The following CCDC144A variants were observed in gnomAD, a reference collection of about 807,000 sequenced individuals.
CCDC144A encodes the protein coiled-coil domain containing 144A, also known as coiled-coil domain-containing protein 144A.
A neutral mutation model predicts 143.8 loss-of-function variants in CCDC144A; 41 were observed. That is an observed-to-expected ratio of 0.29 (90% confidence interval 0.22 to 0.37). The LOEUF is 0.37. CCDC144A is among the 10% of genes least tolerant of loss of function. The pLI is 1.00. For missense variants in CCDC144A, 637 were observed against 1,488.8 expected (o/e 0.43, Z 9.41); for synonymous variants, 242 against 517.9 (o/e 0.47, Z 7.23).
upstream of CCDC144A, among the ~76,000 whole-genome samples, chr17:16,685,443 TG>T (rs1910745636): frequency 6.6e-6 from 1 of 152,118 alleles, no homozygotes. Context: ...GCAAATGGCG[TG>T]GTCTCGGCTC....
chr17:16,768,547 G>T (rs1915700612), intron 15 of CCDC144A, among the ~76,000 whole-genome samples: 1 of 152,214 alleles, frequency 6.6e-6, no homozygotes. Context: ...TAACACCATT[G>T]TAGTGATAAT....
At chr17:16,761,222 C>T (rs775326978) in intron 12 of CCDC144A, among the ~76,000 whole-genome samples, 5 of 151,762 alleles carry the variant, frequency 3.3e-5, no homozygotes. Flanking sequence ...CCTGTAGTCC[C>T]AGCTACTCCA....
chr17:16,668,541 T>G, the CCDC144A span, among the ~76,000 whole-genome samples: 1 of 152,002 alleles, frequency 6.6e-6, no homozygotes, highest in East Asian at 1.9e-4. Context: ...ATAATTGTTA[T>G]TTTTTTCTAC....
At chr17:16,730,440 T>C (rs1913686715) in intron 9 of CCDC144A, among the ~76,000 whole-genome samples, 1 of 123,972 alleles carries the variant, frequency 8.1e-6, no homozygotes, top group Non-Finnish European at 1.6e-5. Flanking sequence ...GGCTTCGTTC[T>C]TTTTGCTTGG....
intron 2 of CCDC144A, among the ~76,000 whole-genome samples, chr17:16,693,462 C>T (rs1911213363): frequency 6.6e-6 from 1 of 151,956 alleles, no homozygotes; most frequent in East Asian, 1.9e-4. Context: ...ACTACAGGCG[C>T]CCGCCACCCC....
chr17:16,719,044 C>T (rs964730664), intron 6 of CCDC144A, among the ~76,000 whole-genome samples: 1 of 150,150 alleles, frequency 6.7e-6, no homozygotes, highest in Non-Finnish European at 1.5e-5. Flanking sequence ...CTTGGGAAAG[C>T]TGGTCTTGAA....
chr17:16,753,372 C>A (rs1271586778), intron 12 of CCDC144A, among the ~76,000 whole-genome samples: 1 of 149,726 alleles, frequency 6.7e-6, no homozygotes, highest in Non-Finnish European at 1.5e-5. Context: ...AGTCCATGAG[C>A]ATGCAATATC....
intron 12 of CCDC144A, among the ~76,000 whole-genome samples, chr17:16,757,611 C>T (rs1915155201): frequency 6.6e-6 from 1 of 152,218 alleles, no homozygotes; most frequent in African/African-American, 2.4e-5. Context: ...CTCACATGGG[C>T]GCCACCCCTG....
chr17:16,736,940 G>C (rs1219042332), intron 12 of CCDC144A, among the ~76,000 whole-genome samples: 6 of 152,116 alleles, frequency 3.9e-5, no homozygotes, highest in Non-Finnish European at 5.9e-5. Flanking sequence ...AATTCTTTTT[G>C]AGACTTCAGT....
chr17:16,723,717 A>G (rs1913226796), intron 8 of CCDC144A, among the ~76,000 whole-genome samples: 1 of 152,138 alleles, frequency 6.6e-6, no homozygotes, highest in Non-Finnish European at 1.5e-5. Context: ...CACTAATCCC[A>G]CTAATGAGGG....
chr17:16,772,240 A>G lies in CCDC144A; in HGVS notation c.4141+221A>G, dbSNP rs559520849. Among the ~76,000 whole-genome samples the G allele has an allele frequency of 5.1e-3, 779 of 152,246 alleles. 5 individuals carry two copies. The highest frequency in any genetic ancestry group is 0.018 in the African/African-American group (742 of 41,508). ...TCCATAGCTTGAAAAAAATAGCTCA[A>G]GAAGTCTGGCTCTACTCTTCACTTC... On this transcript the variant is annotated intron_variant, in intron 16 of 16. Coordinates refer to ENST00000399273, the MANE Select transcript of CCDC144A (RefSeq NM_001382000.1).
intron 2 of CCDC144A, 52 bp downstream of exon 2, chr17:16,693,101 A>C: frequency 6.4e-7 from 1 of 1,565,214 alleles, no homozygotes; most frequent in Non-Finnish European, 8.6e-7. Context: ...TAGGTAAAAA[A>C]GAAGTAAGAG....
At chr17:16,753,432 T>TTTTTGTTGTTGTTG (rs1914905522) in intron 12 of CCDC144A, among the ~76,000 whole-genome samples, 8 of 122,882 alleles carry the variant, frequency 6.5e-5, no homozygotes, top group African/African-American at 3.2e-4. Flanking sequence ...TTTGTAGTTT[T>TTTTTGTTGTTGTTG]TTTTTTTTTT....
At chr17:16,712,111 CAA>C (rs1366393657) in intron 6 of CCDC144A, 1 of 254,960 alleles carries the variant, frequency 3.9e-6, no homozygotes, top group Non-Finnish European at 7.6e-6. Flanking sequence ...GCCTGGGCAA[CAA>C]GAGTAAAACT....
At chr17:16,713,664 C>G (rs1766170255) in intron 6 of CCDC144A, among the ~76,000 whole-genome samples, 1 of 151,990 alleles carries the variant, frequency 6.6e-6, no homozygotes, top group Non-Finnish European at 1.5e-5. Context: ...TAGAAATGTT[C>G]AAGAGGTCTT....
At position 16,691,009 on chromosome 17, in the gene CCDC144A, A is replaced by G. The variant is rs1277319421; in HGVS notation, c.344+265A>G. On this transcript the variant is annotated intron_variant, in intron 1 of 16. Transcript: ENST00000399273. ...ATCAAACATAAGCTGAATACCTATT[A>G]TACAGCAGACATATTCTACTGTCGC... Among the ~76,000 whole-genome samples the G allele has an allele frequency of 3.9e-5, 6 of 152,386 alleles. No individual in the cohort carries two copies. In the East Asian group the frequency reaches 5.8e-4, roughly 15 times the overall value.
At chr17:16,682,909 TTTTTTTTTTTG>T in the CCDC144A span, among the ~76,000 whole-genome samples, 3 of 127,594 alleles carry the variant, frequency 2.4e-5, no homozygotes, top group African/African-American at 5.9e-5. Context: ...TTTTTTTTTT[TTTTTTTTTTTG>T]AGACAGAGTC....
In CCDC144A at chr17:16,725,217, TTTAA is replaced by T. The variant is rs370135462; in HGVS notation, c.1892-2307_1892-2304del. Reference sequence around the variant, plus strand: ...TTTTATCCAGTCTGACAATCTGCCTTTTAATTGAGACTTTTAGGCCAGTTCCATT... The same window carrying T: ...TTTTATCCAGTCTGACAATCTGCCTTTTGAGACTTTTAGGCCAGTTCCATT... On this transcript the variant is annotated intron_variant, in intron 8 of 16. Coordinates refer to ENST00000399273, the MANE Select transcript of CCDC144A (RefSeq NM_001382000.1). 1.5e-3 allele frequency among the ~76,000 whole-genome samples: 225 copies of T among 151,714 alleles called. 2 individuals are homozygous for T. The highest frequency in any genetic ancestry group is 5.4e-3 in the African/African-American group (222 of 41,408).
At chr17:16,708,191 T>C (rs1464121201) in intron 4 of CCDC144A, among the ~76,000 whole-genome samples, 4 of 152,190 alleles carry the variant, frequency 2.6e-5, no homozygotes, top group African/African-American at 9.7e-5. Flanking sequence ...CCATAGTATA[T>C]ATTAGAACAG....
Sources: allele counts gnomAD v4.1 joint callset (sites outside exome capture counted in the v4.1 genomes callset), GRCh38; gene constraint gnomAD v4.1.1; transcripts MANE v1.5; gene names NCBI Gene and HGNC (gene_info 2026-07-23, HGNC 2026-07-21).